MACROD2: variants seen among roughly 807,000 people sequenced by gnomAD.
The protein encoded by MACROD2 is ADP-ribose glycohydrolase MACROD2.
A neutral mutation model predicts 70.4 loss-of-function variants in MACROD2; 36 were observed. That is an observed-to-expected ratio of 0.51 (90% CI 0.39 to 0.68). The LOEUF (loss-of-function observed/expected upper bound fraction) is 0.68. Among genes scored for constraint, MACROD2 ranks in the 30% least tolerant of loss-of-function variants. The pLI, the probability that MACROD2 is intolerant of heterozygous loss-of-function variation, is 0.00. For synonymous variants in MACROD2, 172 were observed against 178.8 expected (o/e 0.96, Z 0.30); for missense variants, 496 against 538.4 (o/e 0.92, Z 0.78).
At chr20:15,177,593 T>A (rs1294079525) in intron 5 of MACROD2, among the ~76,000 whole-genome samples, 2 of 152,206 alleles carry the variant, frequency 1.3e-5, no homozygotes, top group East Asian at 3.9e-4. Flanking sequence ...TCTGCATTTT[T>A]TCTGTTTTCC....
chr20:15,216,847 T>C (rs2145957759), intron 5 of MACROD2, among the ~76,000 whole-genome samples: 1 of 152,330 alleles, frequency 6.6e-6, no homozygotes, highest in South Asian at 2.1e-4. Context: ...TCTATCCTTT[T>C]TCTTTGCTTC....
In MACROD2 at chr20:14,092,674, C is replaced by T. The variant is rs181418944; in HGVS notation, c.271+6946C>T. Among the ~76,000 whole-genome samples, 113 of 152,272 alleles carry T rather than the reference C, an allele frequency of 7.4e-4. 3 individuals are homozygous for T. The highest frequency in any genetic ancestry group is 4.3e-3 in the Admixed American group (65 of 15,292). ...GGGCAAATTATTCAACCCTTTAATC[C>T]TCACTTTTGAAATCTATAAATAGGG... On this transcript the variant is annotated intron_variant, in intron 3 of 17. Transcript: ENST00000684519.
At chr20:14,716,104 G>T (rs112876310) in intron 5 of MACROD2, among the ~76,000 whole-genome samples, 61 of 152,240 alleles carry the variant, frequency 4.0e-4, no homozygotes, top group Non-Finnish European at 7.9e-4. Context: ...ATATGAAGGC[G>T]TTTTCCTTCA....
intron 5 of MACROD2, among the ~76,000 whole-genome samples, chr20:14,693,683 A>G (rs1021471410): frequency 8.5e-5 from 13 of 152,158 alleles, no homozygotes; most frequent in Admixed American, 2.0e-4. Context: ...GTATTATAGA[A>G]TGTAAGATTG....
chr20:16,002,408 G>A (rs1490198079), intron 15 of MACROD2, among the ~76,000 whole-genome samples: 1 of 152,152 alleles, frequency 6.6e-6, no homozygotes, highest in East Asian at 1.9e-4. Context: ...CTTGAAAAGA[G>A]AAGAATGTCC....
intron 8 of MACROD2, among the ~76,000 whole-genome samples, chr20:15,539,341 G>A (rs1430949499): frequency 6.6e-6 from 1 of 152,222 alleles, no homozygotes; most frequent in East Asian, 1.9e-4. Flanking sequence ...GGACACAGGT[G>A]TGCTTCAGCA....
chr20:14,038,810 TA>T (rs1043801991), intron 2 of MACROD2, among the ~76,000 whole-genome samples: 11 of 151,988 alleles, frequency 7.2e-5, no homozygotes, highest in Non-Finnish European at 1.3e-4. Flanking sequence ...TTTATACCAT[TA>T]AAAAAAAGTA....
chr20:15,476,897 G>A (rs1180190578), intron 7 of MACROD2, among the ~76,000 whole-genome samples: 1 of 152,068 alleles, frequency 6.6e-6, no homozygotes, highest in Non-Finnish European at 1.5e-5. Context: ...GTCAGAAACT[G>A]GCTCTGATAC....
chr20:15,798,704 T>G (rs1471613935), intron 8 of MACROD2, among the ~76,000 whole-genome samples: 1 of 152,188 alleles, frequency 6.6e-6, no homozygotes, highest in Admixed American at 6.5e-5. Context: ...CATACCAATG[T>G]CTGTTGCCTC....
At chr20:15,794,990 G>T (rs867413521) in intron 8 of MACROD2, among the ~76,000 whole-genome samples, 1 of 152,026 alleles carries the variant, frequency 6.6e-6, no homozygotes, top group Non-Finnish European at 1.5e-5. Flanking sequence ...CCAGTCTGCT[G>T]TTATTTAATT....
intron 12 of MACROD2, among the ~76,000 whole-genome samples, chr20:15,944,866 G>A (rs2065799513): frequency 6.6e-6 from 1 of 152,092 alleles, no homozygotes; most frequent in Non-Finnish European, 1.5e-5. Context: ...ATCTCTTTCT[G>A]AATATATGAA....
chr20:14,276,175 C>T (rs912876828), intron 3 of MACROD2, among the ~76,000 whole-genome samples: 17 of 152,054 alleles, frequency 1.1e-4, no homozygotes, highest in Non-Finnish European at 1.2e-4. Flanking sequence ...GACACATGCA[C>T]GCGTATGTTT....
intron 5 of MACROD2, among the ~76,000 whole-genome samples, chr20:15,174,787 G>C (rs2076447598): frequency 6.6e-6 from 1 of 152,062 alleles, no homozygotes; most frequent in Admixed American, 6.6e-5. Context: ...TGTTTTTTTG[G>C]CTGCATAAAT....
chr20:14,249,516 T>G (rs1295633890), intron 3 of MACROD2, among the ~76,000 whole-genome samples: 1 of 151,924 alleles, frequency 6.6e-6, no homozygotes, highest in Non-Finnish European at 1.5e-5. Flanking sequence ...ACTTGAGGGT[T>G]GGAGAGGGAC....
At chr20:15,707,651 C>T (rs1252009072) in intron 8 of MACROD2, among the ~76,000 whole-genome samples, 6 of 151,884 alleles carry the variant, frequency 4.0e-5, no homozygotes, top group Non-Finnish European at 8.8e-5. Context: ...AGCGTGGTGG[C>T]GGGTGCCTGT....
At chr20:15,448,908 A>G (rs983086388) in intron 7 of MACROD2, among the ~76,000 whole-genome samples, 26 of 152,242 alleles carry the variant, frequency 1.7e-4, no homozygotes, top group African/African-American at 6.0e-4. Context: ...ATCCTAGGCT[A>G]ACAGTTCTGC....
chr20:14,361,401 G>C (rs1423828409), intron 3 of MACROD2, among the ~76,000 whole-genome samples: 1 of 152,168 alleles, frequency 6.6e-6, no homozygotes, highest in African/African-American at 2.4e-5. Flanking sequence ...AGACCATGCT[G>C]TGATGGTTTT....
chr20:15,740,061 G>C (rs770189616), intron 8 of MACROD2, among the ~76,000 whole-genome samples: 23 of 152,200 alleles, frequency 1.5e-4, no homozygotes. Flanking sequence ...TTCCAATGTA[G>C]ATTGACATGG....
intron 4 of MACROD2, among the ~76,000 whole-genome samples, chr20:14,519,105 T>C (rs756642097): frequency 6.6e-5 from 10 of 152,284 alleles, no homozygotes; most frequent in Non-Finnish European, 1.3e-4. Flanking sequence ...ACTAAAGTAC[T>C]AAGTTAAACA....
Sources: allele counts gnomAD v4.1 joint callset (sites outside exome capture counted in the v4.1 genomes callset), GRCh38; gene constraint gnomAD v4.1.1; transcripts MANE v1.5; gene names NCBI Gene and HGNC (gene_info 2026-07-23, HGNC 2026-07-21).